The following TRIP11 variants were observed in gnomAD, a reference collection of about 807,000 sequenced individuals.
TRIP11 encodes the protein thyroid hormone receptor interactor 11.
TRIP11 carries 148 observed loss-of-function variants against 223.1 expected under a neutral mutation model. The observed-to-expected ratio is 0.66, with a 90% confidence interval of 0.58 to 0.76. TRIP11 has a LOEUF of 0.76. Ranked by LOEUF, TRIP11 falls within the 30% of genes least tolerant of loss-of-function variation. The pLI, the probability that TRIP11 is intolerant of heterozygous loss-of-function variation, is 0.00. For missense variants in TRIP11, 2,043 were observed against 2,222.0 expected, an observed-to-expected ratio of 0.92 and a Z score of 1.62; for synonymous variants, 762 against 772.6, an observed-to-expected ratio of 0.99 and a Z score of 0.23.
chr14:92,025,979 C>G (rs751300728), intron 2 of TRIP11, among the ~76,000 whole-genome samples: 13 of 151,820 alleles, frequency 8.6e-5, no homozygotes, highest in Non-Finnish European at 1.8e-4. Context: ...GATTGATTTT[C>G]TGCTAAGAAA....
intron 7 of TRIP11, among the ~76,000 whole-genome samples, chr14:92,012,676 G>C (rs2056986756): frequency 1.3e-5 from 2 of 152,232 alleles, no homozygotes; most frequent in Middle Eastern, 6.8e-3. Context: ...GAAAATGCAA[G>C]GGTAACAGAG....
At position 92,025,419 on chromosome 14, in the gene TRIP11, T is replaced by C; in HGVS notation, c.203A>G (p.Asn68Ser). The stretch of plus-strand genomic sequence containing the variant: ...AGTACAAAGTTTCTTAAGCCTTTCA[T>C]TCTAGAAAAAAAAAGTATTTTCAAC... The part of the protein sequence containing the change: ...EAIHAILRSE[N>S]ERLKKLCTDL... Residue 68 changes from asparagine (N) to serine (S), a missense_variant and splice_region_variant, in exon 3 of 21, where the codon AAT (asparagine) becomes AGT (serine). Coordinates refer to ENST00000267622, the MANE Select transcript of TRIP11 (RefSeq NM_004239.4). 6.2e-7 allele frequency: 1 copy of C among 1,609,570 alleles called. No homozygotes were observed. The highest frequency in any genetic ancestry group is 8.5e-7 in the Non-Finnish European group (1 of 1,177,674).
chr14:92,002,972 T>C (rs4601975), intron 11 of TRIP11, among the ~76,000 whole-genome samples: 98,265 of 151,610 alleles, frequency 0.65, 33,958 homozygotes, highest in African/African-American at 0.9. Flanking sequence ...CACACACACA[T>C]ACATACTCTT....
In TRIP11 at chr14:92,005,057, T is replaced by C. The variant is rs2056880784; in HGVS notation, c.2919A>G (p.Glu973=). 3 of 1,613,954 alleles carry C rather than the reference T, an allele frequency of 1.9e-6. No individual in the cohort carries two copies. The highest frequency in any genetic ancestry group is 1.3e-5 in the African/African-American group (1 of 74,934). The part of the protein sequence containing the change: ...EEIKSLQKTI[E]QIKTQLHEER... Reference sequence around the variant, plus strand: ...CTTCATGCAACTGGGTTTTGATTTGTTCAATTGTTTTTTGCAAACTCTTAA... The same window carrying C: ...CTTCATGCAACTGGGTTTTGATTTGCTCAATTGTTTTTTGCAAACTCTTAA... The change falls in exon 11 of 21, where the codon GAA becomes GAG. Residue 973 remains glutamate (E), a synonymous_variant. Coordinates refer to ENST00000267622, the MANE Select transcript of TRIP11 (RefSeq NM_004239.4).
intron 15 of TRIP11, among the ~76,000 whole-genome samples, chr14:91,988,911 C>T (rs942482366): frequency 3.9e-5 from 6 of 152,152 alleles, no homozygotes; most frequent in African/African-American, 1.2e-4. Flanking sequence ...TTCTCCTGTC[C>T]ATCTGTAAGA....
At chr14:91,974,556 T>A (rs1164691284) in intron 19 of TRIP11, 71 bp downstream of exon 19, 2 of 1,253,126 alleles carry the variant, frequency 1.6e-6, no homozygotes, top group Non-Finnish European at 2.3e-6. Context: ...AAAAATCTGA[T>A]TCTTTGCAAA....
intron 15 of TRIP11, among the ~76,000 whole-genome samples, chr14:91,991,189 T>C (rs1220857444): frequency 6.6e-6 from 1 of 152,074 alleles, no homozygotes; most frequent in African/African-American, 2.4e-5. Context: ...TGGGAGTGGG[T>C]TCATAATCAA....
In TRIP11 at chr14:91,976,158, T is replaced by C. The variant is rs2056461957; in HGVS notation, c.5292A>G (p.Val1764=). Residue 1764 remains valine, a synonymous_variant, in exon 17 of 21, where the codon GTA becomes GTG. Coordinates refer to ENST00000267622, the MANE Select transcript of TRIP11 (RefSeq NM_004239.4). The part of the protein sequence containing the change: ...NELRQEMLDD[V]QKKLMSLANS... ...TTGCTAAGCTCATCAATTTCTTTTG[T>C]ACATCATCCAGCATTTCTTGTCGGA... 1 of 1,612,440 alleles carries C rather than the reference T, an allele frequency of 6.2e-7. No homozygotes were observed. Among genetic ancestry groups the C allele is most frequent in the Admixed American group, 1.7e-5 (1 of 60,004 alleles).
chr14:92,011,796 C>G lies in TRIP11; in HGVS notation c.1187-1G>C. On this transcript the variant is annotated splice_acceptor_variant, in intron 7 of 20. Coordinates refer to ENST00000267622, the MANE Select transcript of TRIP11 (RefSeq NM_004239.4). LOFTEE classifies it high-confidence loss of function. Reference sequence around the variant, plus strand: ...AATCTCATTATTTCATTTTCGGCATCTGTAAAAACAGCAAATGAACTTGAC... The same window carrying G: ...AATCTCATTATTTCATTTTCGGCATGTGTAAAAACAGCAAATGAACTTGAC... 1.2e-6 allele frequency: 2 copies of G among 1,611,546 alleles called. No individual in the cohort carries two copies. Among genetic ancestry groups the G allele is most frequent in the Non-Finnish European group, 1.7e-6 (2 of 1,179,114 alleles).
At chr14:91,997,975 T>C (rs900414307) in intron 13 of TRIP11, among the ~76,000 whole-genome samples, 5 of 152,126 alleles carry the variant, frequency 3.3e-5, no homozygotes, top group African/African-American at 1.2e-4. Flanking sequence ...AACTGAAACA[T>C]ATAGCCAAAT....
rs2057191304 is a variant in TRIP11, at chr14:92,026,629, G to C, written c.202-1209C>G. ...CACCAAGGACTTAAAGGAGAAGAAG[G>C]AAGTTGTGGAAGAGGCGGAAAATGG... On this transcript the variant is annotated intron_variant, in intron 2 of 20. Coordinates refer to ENST00000267622, the MANE Select transcript of TRIP11 (RefSeq NM_004239.4). 2.7e-5 allele frequency: 32 copies of C among 1,204,378 alleles called. No individual in the cohort carries two copies. In the South Asian group the frequency reaches 3.3e-4, roughly 12 times the overall value. 74.6% of individuals were successfully genotyped at this position (1,204,378 alleles called of 1,614,324 possible).
chr14:92,011,135 G>A, intron 8 of TRIP11, 63 bp from the exon 9 acceptor site: 4 of 1,404,594 alleles, frequency 2.8e-6, no homozygotes, highest in Non-Finnish European at 4.0e-6. Context: ...AAAAAAGCTG[G>A]CAATCTATAC....
intron 2 of TRIP11, among the ~76,000 whole-genome samples, chr14:92,026,155 C>T (rs1427249853): frequency 2.6e-5 from 4 of 152,068 alleles, no homozygotes; most frequent in African/African-American, 9.7e-5. Flanking sequence ...AGGGAGGAGG[C>T]TAAAATCTCA....
intron 13 of TRIP11, among the ~76,000 whole-genome samples, chr14:91,995,921 T>C (rs1039794363): frequency 6.6e-5 from 10 of 152,172 alleles, no homozygotes; most frequent in Non-Finnish European, 1.5e-5. Flanking sequence ...TGGCCTCTTA[T>C]TGCTTTAAAT....
At chr14:92,019,974 C>T (rs555261883) in intron 4 of TRIP11, among the ~76,000 whole-genome samples, 15 of 152,208 alleles carry the variant, frequency 9.9e-5, no homozygotes, top group Admixed American at 6.5e-4. Flanking sequence ...TGAAAATATT[C>T]CAAAATCTGG....
chr14:92,033,758 AAG>A (rs1353743968), intron 1 of TRIP11, among the ~76,000 whole-genome samples: 1 of 152,188 alleles, frequency 6.6e-6, no homozygotes, highest in Non-Finnish European at 1.5e-5. Context: ...TTTCCAGACT[AAG>A]AGTTTTTAAG....
At chr14:91,989,990 C>T (rs1036432694) in intron 15 of TRIP11, among the ~76,000 whole-genome samples, 2 of 152,128 alleles carry the variant, frequency 1.3e-5, no homozygotes, top group African/African-American at 4.8e-5. Flanking sequence ...TTGATGTGGG[C>T]TTCCCATCTT....
intron 16 of TRIP11, among the ~76,000 whole-genome samples, chr14:91,981,012 A>ATTTTTTTTTT (rs564098716): frequency 2.0e-5 from 1 of 49,944 alleles, no homozygotes; most frequent in African/African-American, 6.7e-5. Flanking sequence ...ATATATATAT[A>ATTTTTTTTTT]TTTTTTTTTT....
At chr14:91,970,818 A>G (rs1472568126) in intron 20 of TRIP11, among the ~76,000 whole-genome samples, 1 of 152,238 alleles carries the variant, frequency 6.6e-6, no homozygotes, top group African/African-American at 2.4e-5. Context: ...CCATAACAAC[A>G]GCTTTTTAAA....
Sources: allele counts gnomAD v4.1 joint callset (sites outside exome capture counted in the v4.1 genomes callset), GRCh38; gene constraint gnomAD v4.1.1; transcripts MANE v1.5; gene names NCBI Gene and HGNC (gene_info 2026-07-23, HGNC 2026-07-21).